Variants in DNAH11 observed in about 807,000 individuals in gnomAD.
DNAH11 encodes the protein dynein axonemal heavy chain 11.
Under a neutral mutation model 526.0 loss-of-function variants are expected in DNAH11, and 442 were observed. The observed-to-expected ratio is 0.84, with a 90% CI of 0.78 to 0.91. The LOEUF is 0.91. Among genes scored for constraint, DNAH11 ranks in the 40% least tolerant of loss-of-function variants. The pLI, the probability that DNAH11 is intolerant of heterozygous loss-of-function variation, is 0.00. For missense variants in DNAH11, 6,989 were observed against 5,448.7 expected (o/e 1.28, Z -8.90); for synonymous variants, 2,461 against 1,935.9 (o/e 1.27, Z -7.12).
At chr7:21,552,666 G>A (rs531394814) in intron 2 of DNAH11, among the ~76,000 whole-genome samples, 25 of 152,232 alleles carry the variant, frequency 1.6e-4, no homozygotes, top group Non-Finnish European at 2.2e-4. Flanking sequence ...AAGATTTGAC[G>A]AAATACATTT....
intron 25 of DNAH11, among the ~76,000 whole-genome samples, chr7:21,635,137 G>A (rs533431349): frequency 5.4e-5 from 8 of 146,916 alleles, no homozygotes; most frequent in Non-Finnish European, 2.9e-5. Flanking sequence ...GGCTGGTGGG[G>A]GGCAGTTTGT....
At chr7:21,629,172 G>A (rs1474764209) in intron 25 of DNAH11, among the ~76,000 whole-genome samples, 1 of 151,946 alleles carries the variant, frequency 6.6e-6, no homozygotes, top group Non-Finnish European at 1.5e-5. Flanking sequence ...TCATTGGTTG[G>A]TTAGGAGCAT....
intron 6 of DNAH11, among the ~76,000 whole-genome samples, chr7:21,566,468 T>C (rs767132457): frequency 4.6e-5 from 7 of 152,204 alleles, no homozygotes; most frequent in Non-Finnish European, 1.0e-4. Flanking sequence ...TTACTACTTT[T>C]ATATAGTTAT....
chr7:21,703,921 CT>C (rs1660693506), intron 37 of DNAH11: 2 of 152,034 alleles, frequency 1.3e-5, no homozygotes, highest in South Asian at 4.1e-4. Context: ...TTTTCTCTTG[CT>C]TTTTAAAATT....
intron 4 of DNAH11, 150 bp downstream of exon 4, chr7:21,559,942 G>T: frequency 1.5e-6 from 1 of 659,142 alleles, no homozygotes; most frequent in Non-Finnish European, 2.4e-6. Flanking sequence ...TGTGTGGTGT[G>T]CACTTTTGAC....
At position 21,617,777 on chromosome 7, in the gene DNAH11, G is replaced by A; in HGVS notation, c.4254G>A (p.Gly1418=). 1 of 1,589,706 alleles carries A rather than the reference G, an allele frequency of 6.3e-7. No homozygotes were observed. The highest frequency in any genetic ancestry group is 8.6e-7 in the Non-Finnish European group (1 of 1,169,464). Residue 1418 remains glycine (G), a splice_region_variant and synonymous_variant, in exon 23 of 82, where the codon GGG becomes GGA. Transcript: ENST00000409508. The stretch of plus-strand genomic sequence containing the variant: ...GGCACCAGCTGATGAAAGCTATTGG[G>A]GTCAGTATCCTTGGTCTCACTAATG... ...RHWHQLMKAI[G]VKFLINEATT...
chr7:21,635,591 C>T (rs1036319206), intron 25 of DNAH11, among the ~76,000 whole-genome samples: 6 of 151,980 alleles, frequency 3.9e-5, no homozygotes, highest in African/African-American at 1.2e-4. Context: ...TTTTTTTCTG[C>T]CTGCAATAGA....
Position 21,658,974 on chromosome 7 carries a change from C to T in DNAH11, c.5271C>T (p.Ala1757=), listed in dbSNP as rs1346058383. 1 of 1,609,948 alleles carries T rather than the reference C, an allele frequency of 6.2e-7. No individual in the cohort carries two copies. Among genetic ancestry groups the T allele is most frequent in the Non-Finnish European group, 8.5e-7 (1 of 1,178,278 alleles). Residue 1757 remains alanine (A), a synonymous_variant, in exon 30 of 82, where the codon GCC becomes GCT. Transcript: ENST00000409508. ...GGTGGACCACAGATGTAGGAATAGC[C>T]TTCAGTAGACTGGAAGAAGGCTACG... ...QIWWTTDVGI[A]FSRLEEGYET... is the part of the protein sequence containing the mutation.
At chr7:21,658,097 A>C (rs1300501552) in intron 29 of DNAH11, among the ~76,000 whole-genome samples, 4 of 152,090 alleles carry the variant, frequency 2.6e-5, no homozygotes, top group African/African-American at 7.2e-5. Context: ...AACAAAATAC[A>C]TTTGAACAGG....
Position 21,866,638 on chromosome 7 carries a change from C to T in DNAH11, c.11665C>T (p.Pro3889Ser). ...QKLILLRAMR[P>S]DRMTYALRNF... Reference sequence around the variant, plus strand: ...GCTGATTCTTCTGAGAGCAATGCGCCCTGACAGAATGACGTATGCTCTCAG... The same window carrying T: ...GCTGATTCTTCTGAGAGCAATGCGCTCTGACAGAATGACGTATGCTCTCAG... The change falls in exon 71 of 82, where the codon CCT (proline) becomes TCT (serine). Residue 3889 changes from proline (P) to serine (S), a missense_variant. By Grantham distance (74) the Pro-to-Ser change is moderately conservative (BLOSUM62 -1). Transcript: ENST00000409508. 6.2e-7 allele frequency: 1 copy of T among 1,613,072 alleles called. No homozygotes were observed. The highest frequency in any genetic ancestry group is 1.3e-5 in the African/African-American group (1 of 74,944).
chr7:21,816,591 TAACA>T lies in DNAH11; in HGVS notation c.10458_10461del (p.His3488ValfsTer7). The T allele has an allele frequency of 6.2e-7, 1 of 1,613,652 alleles. No homozygotes were observed. The highest frequency in any genetic ancestry group is 8.5e-7 in the Non-Finnish European group (1 of 1,179,798). Reference sequence around the variant, plus strand: ...ATGTCCACCGAAAATGCCGCTATCCTAACACACTGTGAGCGCTGGCCTCTGGTGA... The same window carrying T: ...ATGTCCACCGAAAATGCCGCTATCCTCACTGTGAGCGCTGGCCTCTGGTGA... On this transcript the variant is annotated frameshift_variant, in exon 64 of 82. Transcript: ENST00000409508. LOFTEE classifies it high-confidence loss of function.
chr7:21,772,861 G>A (rs1047327091), intron 55 of DNAH11, among the ~76,000 whole-genome samples: 1 of 151,984 alleles, frequency 6.6e-6, no homozygotes, highest in South Asian at 2.1e-4. Flanking sequence ...ACCTCTGCTT[G>A]TAATATTAAT....
At chr7:21,807,068 A>T (rs1789293890) in intron 62 of DNAH11, among the ~76,000 whole-genome samples, 1 of 152,226 alleles carries the variant, frequency 6.6e-6, no homozygotes, top group Admixed American at 6.5e-5. Flanking sequence ...TTAACTAATT[A>T]AGTAGAGTTG....
In DNAH11 at chr7:21,619,155, TAC is replaced by T. The variant is rs1350783349; in HGVS notation, c.4314_4315del (p.His1438GlnfsTer5). 1 of 1,613,476 alleles carries T rather than the reference TAC, an allele frequency of 6.2e-7. No individual in the cohort carries two copies. The highest frequency in any genetic ancestry group is 1.7e-5 in the Admixed American group (1 of 59,908). On this transcript the variant is annotated frameshift_variant, in exon 24 of 82. Coordinates refer to ENST00000409508, the MANE Select transcript of DNAH11 (RefSeq NM_001277115.2). LOFTEE classifies it high-confidence loss of function. ...TTGGCAGATTTGTTAGCACTGCGGT[TAC>T]ACAGAGTGGAAGATGATGTCCGAAG...
Position 21,582,252 on chromosome 7 carries a change from G to T in DNAH11, c.1710+231G>T, listed in dbSNP as rs1012636764. Among the ~76,000 whole-genome samples, 6 of 152,160 alleles carry T rather than the reference G, an allele frequency of 3.9e-5. No homozygotes were observed. In the East Asian group the frequency reaches 1.2e-3, roughly 29 times the overall value. On this transcript the variant is annotated intron_variant, in intron 9 of 81. Coordinates refer to ENST00000409508, the MANE Select transcript of DNAH11 (RefSeq NM_001277115.2). ...TTACTGTTCTGTTCTTGCATTCACAGTGTTTTAGCTCTCATTATCTTCACA... is the reference window on the plus strand; with the variant it reads ...TTACTGTTCTGTTCTTGCATTCACATTGTTTTAGCTCTCATTATCTTCACA...
intron 62 of DNAH11, among the ~76,000 whole-genome samples, chr7:21,802,318 A>G (rs577490873): frequency 6.7e-6 from 1 of 148,636 alleles, no homozygotes; most frequent in South Asian, 2.1e-4. Context: ...TGACTATAAT[A>G]AAAAATATGG....
At chr7:21,772,032 G>T (rs938738359) in intron 55 of DNAH11, among the ~76,000 whole-genome samples, 1 of 152,182 alleles carries the variant, frequency 6.6e-6, no homozygotes, top group Non-Finnish European at 1.5e-5. Flanking sequence ...AATTGAGAAT[G>T]CAGGGAAGAC....
At chr7:21,677,031 C>T (rs915884683) in intron 30 of DNAH11, among the ~76,000 whole-genome samples, 4 of 152,126 alleles carry the variant, frequency 2.6e-5, no homozygotes, top group Non-Finnish European at 4.4e-5. Context: ...CTGTCGTTGC[C>T]TTTGTGGAAC....
intron 28 of DNAH11, among the ~76,000 whole-genome samples, chr7:21,642,725 T>G (rs1018774390): frequency 6.6e-6 from 1 of 152,100 alleles, no homozygotes; most frequent in African/African-American, 2.4e-5. Context: ...TCACCCAAAC[T>G]CCATTTAAGA....
Sources: gnomAD v4.1 joint callset for allele counts (sites outside exome capture counted in the v4.1 genomes callset) on GRCh38, gnomAD v4.1.1 for gene constraint, MANE v1.5 for transcripts, NCBI Gene and HGNC (gene_info 2026-07-23, HGNC 2026-07-21) for gene names.